CYP2C19: variants seen among roughly 807,000 people sequenced by gnomAD.
CYP2C19 encodes cytochrome P450 family 2 subfamily C member 19.
A neutral mutation model predicts 40.9 loss-of-function variants in CYP2C19; 59 were observed. The ratio of observed to expected loss-of-function variants is 1.44; its 90% CI spans 1.17 to 1.79. The LOEUF is 1.79. Among genes scored for constraint, CYP2C19 ranks in the 40% most tolerant of loss-of-function variants. The probability of loss-of-function intolerance (pLI) is 0.00; values close to 1 mark genes in which losing one functional copy is unlikely to be tolerated. For synonymous variants in CYP2C19, 253 were observed against 208.7 expected, an observed-to-expected ratio of 1.21 and a Z score of -1.83; for missense variants, 754 against 596.9, an observed-to-expected ratio of 1.26 and a Z score of -2.74.
At position 94,849,922 on chromosome 10, in the gene CYP2C19, A is replaced by G. The variant is rs768490094; in HGVS notation, c.1155A>G (p.Thr385=). The change falls in exon 8 of 9, where the codon ACA becomes ACG. Residue 385 remains threonine, a synonymous_variant. Transcript: ENST00000371321. ...CCTATGTCTCTTGTTTCTAGGGCACAACCATATTAACTTCCCTCACTTCTG... is the reference window on the plus strand; with the variant it reads ...CCTATGTCTCTTGTTTCTAGGGCACGACCATATTAACTTCCCTCACTTCTG... The part of the protein sequence containing the change: ...KFRNYLIPKG[T]TILTSLTSVL... 7 of 1,613,692 alleles carry G rather than the reference A, an allele frequency of 4.3e-6. No individual in the cohort carries two copies. In the South Asian group the frequency reaches 7.7e-5, roughly 18 times the overall value.
rs1034187993 is a variant in CYP2C19 at position 94,852,951 on chromosome 10, C to G, written c.*37C>G. 7.5e-6 allele frequency: 12 copies of G among 1,605,054 alleles called. No individual in the cohort carries two copies. Among genetic ancestry groups the G allele is most frequent in the African/African-American group, 2.7e-5 (2 of 74,664 alleles). On this transcript the variant is annotated 3_prime_UTR_variant, in exon 9 of 9. Coordinates refer to ENST00000371321, the MANE Select transcript of CYP2C19 (RefSeq NM_000769.4). ...TGGTCTGGCTGCTCCTGTGCTGTCC[C>G]TGCAGCTCTCTTTCCTCTGGTCCAA...
chr10:94,836,315 A>C (rs1266528288), intron 6 of CYP2C19, among the ~76,000 whole-genome samples: 2 of 152,214 alleles, frequency 1.3e-5, no homozygotes, highest in African/African-American at 2.4e-5. Context: ...TTGCCACTAC[A>C]TCAGTTTCCT....
intron 5 of CYP2C19, among the ~76,000 whole-genome samples, chr10:94,814,541 T>C (rs1250071954): frequency 6.6e-6 from 1 of 151,616 alleles, no homozygotes; most frequent in African/African-American, 2.4e-5. Flanking sequence ...ATTGTGATAG[T>C]ATCTGTGTAG....
chr10:94,762,896 T>C (rs1848192317), intron 1 of CYP2C19, 23 bp downstream of exon 1: 1 of 1,605,880 alleles, frequency 6.2e-7, no homozygotes, highest in Non-Finnish European at 8.5e-7. Flanking sequence ...CTTCAGTGGC[T>C]TGCAAAAGGT....
intron 5 of CYP2C19, among the ~76,000 whole-genome samples, chr10:94,807,856 G>A (rs145140340): frequency 6.6e-6 from 1 of 151,884 alleles, no homozygotes; most frequent in Non-Finnish European, 1.5e-5. Context: ...CCACTTTATT[G>A]AATGTTTTCT....
chr10:94,772,205 C>A (rs1202450040), intron 1 of CYP2C19, among the ~76,000 whole-genome samples: 1 of 152,012 alleles, frequency 6.6e-6, no homozygotes, highest in Non-Finnish European at 1.5e-5. Flanking sequence ...TTCTGAGGAT[C>A]CCCATATCCT....
At chr10:94,806,023 C>A (rs897765053) in intron 5 of CYP2C19, among the ~76,000 whole-genome samples, 30 of 151,526 alleles carry the variant, frequency 2.0e-4, no homozygotes, top group African/African-American at 5.6e-4. Flanking sequence ...TGTTGTAGAA[C>A]CCCACCCCCA....
At chr10:94,830,173 T>A (rs1440155646) in intron 6 of CYP2C19, among the ~76,000 whole-genome samples, 1 of 152,218 alleles carries the variant, frequency 6.6e-6, no homozygotes, top group African/African-American at 2.4e-5. Flanking sequence ...TGAGCTGTGG[T>A]GGGCTCCACC....
chr10:94,766,175 T>G (rs1209974510), intron 1 of CYP2C19, among the ~76,000 whole-genome samples: 1 of 152,024 alleles, frequency 6.6e-6, no homozygotes, highest in Non-Finnish European at 1.5e-5. Context: ...GGTGGCAACA[T>G]AAGCAGAGGT....
intron 5 of CYP2C19, among the ~76,000 whole-genome samples, chr10:94,792,191 A>AT (rs766785337): frequency 6.6e-6 from 1 of 151,710 alleles, no homozygotes. Context: ...CAACCCCTGC[A>AT]TTTTTTTGCT....
rs200436346 is a variant in CYP2C19, at chr10:94,831,546, A to T, written c.961+10909A>T. On this transcript the variant is annotated intron_variant, in intron 6 of 8. Coordinates refer to ENST00000371321, the MANE Select transcript of CYP2C19 (RefSeq NM_000769.4). ...GTTGTACAAGGGTCCACTTATCTCCACATCCTCACTAGCATTTGTTATTGC... is the reference window on the plus strand; with the variant it reads ...GTTGTACAAGGGTCCACTTATCTCCTCATCCTCACTAGCATTTGTTATTGC... 1.4e-4 allele frequency among the ~76,000 whole-genome samples: 21 copies of T among 152,286 alleles called. No homozygotes were observed. In the East Asian group the frequency reaches 4.1e-3, roughly 29 times the overall value.
intron 7 of CYP2C19, among the ~76,000 whole-genome samples, chr10:94,847,206 T>A (rs994284597): frequency 6.6e-6 from 1 of 152,130 alleles, no homozygotes; most frequent in Non-Finnish European, 1.5e-5. Context: ...TAGGTATATC[T>A]CCTAATGCTA....
chr10:94,850,504 C>T (rs1477652993), intron 8 of CYP2C19, among the ~76,000 whole-genome samples: 2 of 152,122 alleles, frequency 1.3e-5, no homozygotes, highest in African/African-American at 4.8e-5. Flanking sequence ...AAGAGGCTCA[C>T]TTCTGTGTTT....
intron 5 of CYP2C19, among the ~76,000 whole-genome samples, chr10:94,790,113 A>T (rs1054158797): frequency 6.6e-6 from 1 of 151,008 alleles, no homozygotes; most frequent in African/African-American, 2.4e-5. Flanking sequence ...GCAATTGTGA[A>T]TGGGAGTTCA....
chr10:94,786,059 GTCTC>G (rs148764138), intron 5 of CYP2C19, among the ~76,000 whole-genome samples: 3 of 149,700 alleles, frequency 2.0e-5, no homozygotes, highest in East Asian at 1.9e-4. Context: ...CTCTTTGGAT[GTCTC>G]TCTCTCTCTC....
chr10:94,793,804 G>A (rs1848643647), intron 5 of CYP2C19, among the ~76,000 whole-genome samples: 1 of 152,158 alleles, frequency 6.6e-6, no homozygotes, highest in South Asian at 2.1e-4. Flanking sequence ...CTACTCGGGA[G>A]CCAGGTACCC....
intron 5 of CYP2C19, among the ~76,000 whole-genome samples, chr10:94,788,390 G>A (rs1208560902): frequency 2.6e-5 from 4 of 151,922 alleles, no homozygotes; most frequent in Non-Finnish European, 1.5e-5. Context: ...AGAAGGATGG[G>A]TATTTTTTAA....
Position 94,834,555 on chromosome 10 carries a change from T to C in CYP2C19, c.962-8282T>C, listed in dbSNP as rs7393360. On this transcript the variant is annotated intron_variant, in intron 6 of 8. Transcript: ENST00000371321. ...ACTAATTTTGGTTTTCTTTCTTTTT[T>C]CTTTTTTTTTTTTGTGCAGTTGCAA... Among the ~76,000 whole-genome samples the C allele has an allele frequency of 3.3e-5, 5 of 151,442 alleles. No homozygotes were observed. The South Asian group carries it at 8.3e-4, about 25-fold the overall frequency.
At chr10:94,788,835 G>A (rs985430315) in intron 5 of CYP2C19, among the ~76,000 whole-genome samples, 1 of 151,950 alleles carries the variant, frequency 6.6e-6, no homozygotes, top group African/African-American at 2.4e-5. Flanking sequence ...TATAGTAGAA[G>A]GGCTTATAAT....
Sources: allele counts gnomAD v4.1 joint callset (sites outside exome capture counted in the v4.1 genomes callset), GRCh38; gene constraint gnomAD v4.1.1; transcripts MANE v1.5; gene names NCBI Gene and HGNC (gene_info 2026-07-23, HGNC 2026-07-21).